CHKA: variants seen among roughly 807,000 people sequenced by gnomAD.
CHKA encodes CHETK-alpha.
Under a neutral mutation model 60.1 loss-of-function variants are expected in CHKA, and 34 were observed. That is an observed-to-expected ratio of 0.57 (90% confidence interval 0.43 to 0.75). The LOEUF (loss-of-function observed/expected upper bound fraction) is 0.75. CHKA is among the 30% of genes least tolerant of loss of function. CHKA has a pLI of 0.00. For synonymous variants in CHKA, 217 were observed against 223.1 expected, an observed-to-expected ratio of 0.97 and a Z score of 0.24; for missense variants, 563 against 561.3, an observed-to-expected ratio of 1.00 and a Z score of -0.03.
chr11:68,090,234 A>G (rs569679224), intron 2 of CHKA, among the ~76,000 whole-genome samples: 1 of 152,348 alleles, frequency 6.6e-6, no homozygotes, highest in Admixed American at 6.5e-5. Flanking sequence ...GGAACGCACA[A>G]CACTAGAAAA....
At position 68,053,574 on chromosome 11, in the gene CHKA, C is replaced by G. The variant is rs1855882031; in HGVS notation, c.*414G>C. The G allele has an allele frequency of 5.5e-6, 1 of 182,816 alleles. No individual in the cohort carries two copies. Among genetic ancestry groups the G allele is most frequent in the Non-Finnish European group, 1.2e-5 (1 of 86,590 alleles). 11.3% of individuals were successfully genotyped at this position (182,816 alleles called of 1,614,324 possible). A position where few individuals can be genotyped will look rare whatever the true frequency, so the allele number is the denominator to read the frequency against. ...AGCACCGTCTATAACACATCGCCAT[C>G]TACAAAAGCCTGGTCACAGTGTTCA... On this transcript the variant is annotated 3_prime_UTR_variant, in exon 12 of 12. Coordinates refer to ENST00000265689, the MANE Select transcript of CHKA (RefSeq NM_001277.3).
intron 4 of CHKA, among the ~76,000 whole-genome samples, chr11:68,073,009 T>C (rs1206332831): frequency 6.6e-6 from 1 of 152,104 alleles, no homozygotes; most frequent in African/African-American, 2.4e-5. Flanking sequence ...AAATTTAATA[T>C]ATAATAAACA....
At chr11:68,055,788 T>C (rs1299561940) in intron 11 of CHKA, among the ~76,000 whole-genome samples, 2 of 151,976 alleles carry the variant, frequency 1.3e-5, no homozygotes, top group Admixed American at 1.3e-4. Context: ...CTCATGCCTG[T>C]AATCCTAGCA....
intron 2 of CHKA, among the ~76,000 whole-genome samples, chr11:68,086,177 G>A (rs530464410): frequency 6.6e-6 from 1 of 152,182 alleles, no homozygotes; most frequent in Non-Finnish European, 1.5e-5. Flanking sequence ...GCTGGGTGTG[G>A]TGATGTGCGC....
At chr11:68,073,355 C>A (rs974980178) in intron 4 of CHKA, among the ~76,000 whole-genome samples, 1 of 152,098 alleles carries the variant, frequency 6.6e-6, no homozygotes, top group Non-Finnish European at 1.5e-5. Flanking sequence ...AAAATTCTTT[C>A]AAAAACTTAT....
intron 1 of CHKA, among the ~76,000 whole-genome samples, chr11:68,113,127 A>G (rs1858240241): frequency 6.8e-6 from 1 of 146,886 alleles, no homozygotes; most frequent in African/African-American, 2.5e-5. Context: ...GTGGCAGGAA[A>G]AAAAAAAACA....
intron 5 of CHKA, 75 bp from the exon 6 acceptor site, chr11:68,070,368 C>T (rs1423478760): frequency 1.8e-6 from 2 of 1,127,742 alleles, no homozygotes; most frequent in African/African-American, 3.1e-5. Context: ...GTTCTTGGGG[C>T]TTTGGTTAAA....
chr11:68,112,531 A>G (rs183350642), intron 1 of CHKA, among the ~76,000 whole-genome samples: 76 of 152,344 alleles, frequency 5.0e-4, no homozygotes, highest in African/African-American at 1.8e-3. Flanking sequence ...AAGTGCTGGA[A>G]TTACAGGCAT....
chr11:68,119,484 G>A (rs1565198558), intron 1 of CHKA, among the ~76,000 whole-genome samples: 1 of 152,054 alleles, frequency 6.6e-6, no homozygotes, highest in African/African-American at 2.4e-5. Context: ...CTTTGTTTTT[G>A]TTTTTTTGAG....
At chr11:68,100,239 T>C (rs1857658191) in intron 1 of CHKA, among the ~76,000 whole-genome samples, 1 of 152,144 alleles carries the variant, frequency 6.6e-6, no homozygotes, top group African/African-American at 2.4e-5. Flanking sequence ...TTGCAAGAAG[T>C]TTTGAAACCA....
At chr11:68,115,250 A>T (rs1858338485) in intron 1 of CHKA, among the ~76,000 whole-genome samples, 1 of 152,206 alleles carries the variant, frequency 6.6e-6, no homozygotes, top group Admixed American at 6.5e-5. Flanking sequence ...TCAATTTATG[A>T]TGGTTTATCA....
chr11:68,082,503 C>T (rs1295015120), intron 2 of CHKA: 2 of 152,556 alleles, frequency 1.3e-5, no homozygotes, highest in Non-Finnish European at 2.9e-5. Context: ...TTCCATTCCA[C>T]AGCTTTATCA....
chr11:68,053,774 C>T lies in CHKA; in HGVS notation c.*214G>A, dbSNP rs1017898773. ...ACTATTGCACTATATTTCTGCTTCC[C>T]GATCTCGTTTCTGAGTCCTAGTGAA... is the stretch of plus-strand genomic sequence containing the variant. On this transcript the variant is annotated 3_prime_UTR_variant, in exon 12 of 12. Coordinates refer to ENST00000265689, the MANE Select transcript of CHKA (RefSeq NM_001277.3). 30 of 505,306 alleles carry T rather than the reference C, an allele frequency of 5.9e-5. No homozygotes were observed. Among genetic ancestry groups the T allele is most frequent in the African/African-American group, 2.9e-4 (15 of 51,726 alleles). The allele number at this position is 505,306 out of a possible 1,614,324, so 31.3% of individuals were successfully genotyped here.
intron 2 of CHKA, among the ~76,000 whole-genome samples, chr11:68,093,007 G>GTTT (rs34534250): frequency 3.6e-5 from 5 of 139,780 alleles, no homozygotes; most frequent in Non-Finnish European, 1.6e-5. Context: ...TTTTTTTTGG[G>GTTT]TTTTTTTTTT....
rs536517878 is a variant in CHKA, at chr11:68,074,654, A to C, written c.630+63T>G. The stretch of plus-strand genomic sequence containing the variant: ...AGCATTGCAGGTTCTTGCAGCAATG[A>C]GACAAAGAAGCCATCTTCTGTCTGT... On this transcript the variant is annotated intron_variant, in intron 4 of 11. Coordinates refer to ENST00000265689, the MANE Select transcript of CHKA (RefSeq NM_001277.3). 207 of 1,407,702 alleles carry C rather than the reference A, an allele frequency of 1.5e-4. No individual in the cohort carries two copies. In the African/African-American group the frequency reaches 2.8e-3, roughly 19 times the overall value. 87.2% of individuals were successfully genotyped at this position (1,407,702 alleles called of 1,614,324 possible). A position where few individuals can be genotyped will look rare whatever the true frequency, so the allele number is the denominator to read the frequency against.
intron 1 of CHKA, among the ~76,000 whole-genome samples, chr11:68,116,046 A>C (rs1858371706): frequency 6.6e-6 from 1 of 152,134 alleles, no homozygotes; most frequent in Admixed American, 6.5e-5. Flanking sequence ...CAGTCTTTTC[A>C]TGGGACTCTC....
chr11:68,102,056 C>G (rs547444121), intron 1 of CHKA, among the ~76,000 whole-genome samples: 2 of 150,652 alleles, frequency 1.3e-5, no homozygotes, highest in Non-Finnish European at 2.9e-5. Flanking sequence ...GCCAAGATCA[C>G]GCCACTGCAC....
chr11:68,109,551 C>G (rs1858055631), intron 1 of CHKA, among the ~76,000 whole-genome samples: 1 of 152,156 alleles, frequency 6.6e-6, no homozygotes, highest in African/African-American at 2.4e-5. Flanking sequence ...TTCTGTCCCA[C>G]CTAAGCGGGG....
intron 4 of CHKA, among the ~76,000 whole-genome samples, chr11:68,073,147 AAC>A (rs1430861712): frequency 4.6e-5 from 7 of 152,196 alleles, no homozygotes; most frequent in African/African-American, 1.7e-4. Context: ...GAATTGTGTT[AAC>A]ACAATTCCCT....
Sources: gnomAD v4.1 joint callset for allele counts (sites outside exome capture counted in the v4.1 genomes callset) on GRCh38, gnomAD v4.1.1 for gene constraint, MANE v1.5 for transcripts, NCBI Gene and HGNC (gene_info 2026-07-23, HGNC 2026-07-21) for gene names.